DPYD: variants seen among roughly 807,000 people sequenced by gnomAD.
DPYD encodes dihydropyrimidine dehydrogenase.
Under a neutral mutation model 116.2 loss-of-function variants are expected in DPYD, and 109 were observed. The observed-to-expected ratio is 0.94, with a 90% confidence interval of 0.80 to 1.10. The LOEUF (loss-of-function observed/expected upper bound fraction) is 1.10. Ranked by LOEUF, DPYD falls within the 50% of genes least tolerant of loss-of-function variation. DPYD has a pLI of 0.00. For missense variants in DPYD, 1,302 were observed against 1,254.5 expected (o/e 1.04, Z -0.57); for synonymous variants, 440 against 432.0 (o/e 1.02, Z -0.23).
At chr1:97,468,180 T>A (rs563452190) in intron 13 of DPYD, among the ~76,000 whole-genome samples, 1 of 152,358 alleles carries the variant, frequency 6.6e-6, no homozygotes, top group African/African-American at 2.4e-5. Flanking sequence ...TATGTATATA[T>A]GTATTAATCA....
intron 4 of DPYD, among the ~76,000 whole-genome samples, chr1:97,736,821 G>C (rs1361315423): frequency 2.7e-5 from 4 of 150,460 alleles, no homozygotes; most frequent in Admixed American, 6.7e-5. Flanking sequence ...ATATAACAGA[G>C]ATAGAGGTGG....
intron 8 of DPYD, among the ~76,000 whole-genome samples, chr1:97,620,144 A>G (rs1050667746): frequency 2.0e-5 from 3 of 151,980 alleles, no homozygotes; most frequent in African/African-American, 4.8e-5. Flanking sequence ...CAGGGCATTC[A>G]TCTTAATGTT....
chr1:97,383,429 T>C lies in DPYD; in HGVS notation c.1906-968A>G, dbSNP rs1672095386. ...AGGTGGAAGTTGCAGTGAGCCAAGATTGCACCACTGCACTCCAGCCTGGGC... is the reference window on the plus strand; with the variant it reads ...AGGTGGAAGTTGCAGTGAGCCAAGACTGCACCACTGCACTCCAGCCTGGGC... On this transcript the variant is annotated intron_variant, in intron 14 of 22. Transcript: ENST00000370192. Among the ~76,000 whole-genome samples, 4 of 149,694 alleles carry C rather than the reference T, an allele frequency of 2.7e-5. 1 individual carries two copies. Among genetic ancestry groups the C allele is most frequent in the Middle Eastern group, 7.1e-3 (2 of 280 alleles).
At chr1:97,908,167 T>C (rs1382160468) in intron 1 of DPYD, among the ~76,000 whole-genome samples, 1 of 151,980 alleles carries the variant, frequency 6.6e-6, no homozygotes, top group Admixed American at 6.6e-5. Context: ...CGCCTCAGCC[T>C]CCCAAGTAGC....
intron 18 of DPYD, among the ~76,000 whole-genome samples, chr1:97,237,808 T>C (rs1570734485): frequency 1.3e-5 from 2 of 152,294 alleles, no homozygotes; most frequent in East Asian, 3.9e-4. Flanking sequence ...ACATACACAC[T>C]ACTTTGAAGT....
At chr1:97,479,633 A>G (rs1678188181) in intron 13 of DPYD, among the ~76,000 whole-genome samples, 1 of 152,250 alleles carries the variant, frequency 6.6e-6, no homozygotes, top group Non-Finnish European at 1.5e-5. Flanking sequence ...ATGCTATTAA[A>G]AAGAATGACA....
chr1:97,144,085 T>C (rs959697313), intron 20 of DPYD, among the ~76,000 whole-genome samples: 22 of 152,184 alleles, frequency 1.4e-4, no homozygotes, highest in African/African-American at 4.8e-4. Flanking sequence ...ACCCCAGAAC[T>C]GGATTTCAAT....
chr1:97,673,426 C>A (rs1272646689), intron 8 of DPYD, among the ~76,000 whole-genome samples: 2 of 152,004 alleles, frequency 1.3e-5, no homozygotes, highest in Non-Finnish European at 2.9e-5. Flanking sequence ...TCCAAAATTG[C>A]CAACTTTGTT....
intron 13 of DPYD, among the ~76,000 whole-genome samples, chr1:97,483,660 A>G (rs556081540): frequency 7.9e-5 from 12 of 152,138 alleles, no homozygotes; most frequent in Non-Finnish European, 1.5e-4. Context: ...AAAAAAATTT[A>G]AAAAAAGAGA....
At chr1:97,775,466 T>C (rs1666346529) in intron 3 of DPYD, among the ~76,000 whole-genome samples, 1 of 152,208 alleles carries the variant, frequency 6.6e-6, no homozygotes, top group South Asian at 2.1e-4. Flanking sequence ...ATAACTTGAC[T>C]AGATAATAGT....
intron 19 of DPYD, among the ~76,000 whole-genome samples, chr1:97,227,555 T>G (rs1485921107): frequency 6.7e-6 from 1 of 149,754 alleles, no homozygotes; most frequent in Non-Finnish European, 1.5e-5. Flanking sequence ...CACAAAAATT[T>G]TAAGAAGTTT....
chr1:97,598,931 C>T (rs1655065965), intron 8 of DPYD, among the ~76,000 whole-genome samples: 1 of 152,162 alleles, frequency 6.6e-6, no homozygotes. Flanking sequence ...TTCAAAATGG[C>T]TGCCTTTTTC....
At chr1:97,913,794 T>G (rs1183112668) in intron 1 of DPYD, among the ~76,000 whole-genome samples, 1 of 151,614 alleles carries the variant, frequency 6.6e-6, no homozygotes, top group Admixed American at 6.6e-5. Flanking sequence ...CTGGGGGCTT[T>G]GAGGGGTTGA....
chr1:97,188,708 A>G (rs1203797472), intron 20 of DPYD, among the ~76,000 whole-genome samples: 1 of 152,216 alleles, frequency 6.6e-6, no homozygotes, highest in East Asian at 1.9e-4. Flanking sequence ...CTAAAAATAT[A>G]TTAATGATTG....
intron 12 of DPYD, among the ~76,000 whole-genome samples, chr1:97,530,224 T>C (rs1486751537): frequency 1.4e-4 from 16 of 118,132 alleles, no homozygotes; most frequent in African/African-American, 5.6e-4. Flanking sequence ...CTTTTTTTTT[T>C]TTTTTTTTTT....
chr1:97,458,893 T>C (rs760301722), intron 13 of DPYD, among the ~76,000 whole-genome samples: 4 of 152,072 alleles, frequency 2.6e-5, no homozygotes, highest in Non-Finnish European at 5.9e-5. Flanking sequence ...CTCAAATATT[T>C]ATAAATTCCC....
Position 97,854,799 on chromosome 1 carries a change from C to T in DPYD, c.151-26603G>A, listed in dbSNP as rs965919667. Among the ~76,000 whole-genome samples the T allele has an allele frequency of 2.6e-5, 4 of 152,126 alleles. No individual in the cohort carries two copies. In the East Asian group the frequency reaches 7.7e-4, roughly 29 times the overall value. On this transcript the variant is annotated intron_variant, in intron 2 of 22. Coordinates refer to ENST00000370192, the MANE Select transcript of DPYD (RefSeq NM_000110.4). ...ATACAAACAAAAGAGGGTACAGGGT[C>T]AGGAGATTCTTGTGCCCATCATGAG...
intron 2 of DPYD, among the ~76,000 whole-genome samples, chr1:97,877,273 G>A (rs1209749296): frequency 1.3e-5 from 2 of 151,950 alleles, no homozygotes; most frequent in East Asian, 1.9e-4. Context: ...CCAGTGGGAA[G>A]ATGGCATGAA....
chr1:97,306,965 A>C (rs1667211769), intron 16 of DPYD, among the ~76,000 whole-genome samples: 1 of 151,940 alleles, frequency 6.6e-6, no homozygotes, highest in Non-Finnish European at 1.5e-5. Flanking sequence ...AAATGAAATA[A>C]AATATCAAAT....
Sources: allele counts gnomAD v4.1 joint callset (sites outside exome capture counted in the v4.1 genomes callset), GRCh38; gene constraint gnomAD v4.1.1; transcripts MANE v1.5; gene names NCBI Gene and HGNC (gene_info 2026-07-23, HGNC 2026-07-21).